CSMD1: variants seen among roughly 807,000 people sequenced by gnomAD.
The protein encoded by CSMD1 is CUB and sushi domain-containing protein 1.
In CSMD1, 213 loss-of-function variants were observed where a neutral mutation model predicts 417.5. The observed-to-expected ratio is 0.51, with a 90% CI of 0.46 to 0.57. The LOEUF (loss-of-function observed/expected upper bound fraction) is 0.57. Among genes scored for constraint, CSMD1 ranks in the 20% least tolerant of loss-of-function variants. CSMD1 has a pLI of 0.00. For missense variants in CSMD1, 6,923 were observed against 4,529.7 expected (o/e 1.53, Z -15.17); for synonymous variants, 2,862 against 1,736.8 (o/e 1.65, Z -16.11).
intron 12 of CSMD1, among the ~76,000 whole-genome samples, chr8:3,431,627 C>A (rs1257064105): frequency 2.0e-5 from 3 of 152,078 alleles, no homozygotes; most frequent in South Asian, 4.1e-4. Flanking sequence ...CACCAATAAA[C>A]AACTGACAAA....
At chr8:3,200,831 C>G (rs1039104635) in intron 32 of CSMD1, among the ~76,000 whole-genome samples, 14 of 152,070 alleles carry the variant, frequency 9.2e-5, no homozygotes, top group African/African-American at 2.7e-4. Flanking sequence ...GAAATATAAT[C>G]AAATCTGAAC....
At chr8:3,160,580 G>A (rs796912459) in intron 38 of CSMD1, among the ~76,000 whole-genome samples, 49 of 152,272 alleles carry the variant, frequency 3.2e-4, no homozygotes, top group African/African-American at 1.1e-3. Context: ...CTCTCGCTCT[G>A]CCTCCAATCT....
At chr8:3,646,720 TG>T (rs1271179264) in intron 7 of CSMD1, among the ~76,000 whole-genome samples, 1 of 152,156 alleles carries the variant, frequency 6.6e-6, no homozygotes, top group Admixed American at 6.5e-5. Flanking sequence ...GCTTTCGACC[TG>T]GCTCCGGTGC....
At chr8:3,787,780 G>A (rs1379856918) in intron 5 of CSMD1, among the ~76,000 whole-genome samples, 1 of 152,158 alleles carries the variant, frequency 6.6e-6, no homozygotes, top group East Asian at 1.9e-4. Flanking sequence ...TACAAGCTAG[G>A]AACTGGCACT....
At chr8:4,987,494 C>G (rs1030871777) in intron 1 of CSMD1, among the ~76,000 whole-genome samples, 1 of 152,154 alleles carries the variant, frequency 6.6e-6, no homozygotes, top group Non-Finnish European at 1.5e-5. Context: ...GTAGTTATCT[C>G]TATCATATCC....
intron 37 of CSMD1, among the ~76,000 whole-genome samples, chr8:3,175,015 A>G (rs910624980): frequency 6.6e-6 from 1 of 152,202 alleles, no homozygotes; most frequent in Non-Finnish European, 1.5e-5. Context: ...TTAATCAGGT[A>G]TAAGTTTTGA....
At chr8:3,771,250 G>A (rs58171140) in intron 5 of CSMD1, among the ~76,000 whole-genome samples, 2,088 of 152,244 alleles carry the variant, frequency 0.014, 41 homozygotes, top group African/African-American at 0.048. Flanking sequence ...GGCTCCGTGA[G>A]CCACTCTTGC....
chr8:3,999,285 T>C (rs572000763), intron 4 of CSMD1, among the ~76,000 whole-genome samples: 13 of 152,274 alleles, frequency 8.5e-5, no homozygotes, highest in African/African-American at 3.1e-4. Flanking sequence ...GGGAGTTTGC[T>C]GTAAGCAGAG....
chr8:4,469,570 G>A (rs953863225), intron 2 of CSMD1, among the ~76,000 whole-genome samples: 5 of 152,092 alleles, frequency 3.3e-5, no homozygotes, highest in Non-Finnish European at 5.9e-5. Flanking sequence ...TCTTTCAGTA[G>A]CTTGTGCAAA....
At chr8:4,405,261 G>C (rs772077869) in intron 3 of CSMD1, among the ~76,000 whole-genome samples, 1 of 152,038 alleles carries the variant, frequency 6.6e-6, no homozygotes, top group East Asian at 1.9e-4. Context: ...GAAAAGAGAA[G>C]TCAAAAAAGG....
chr8:3,472,999 G>C (rs949879919), intron 11 of CSMD1, among the ~76,000 whole-genome samples: 1 of 151,970 alleles, frequency 6.6e-6, no homozygotes, highest in African/African-American at 2.4e-5. Context: ...CACCAAAGTA[G>C]GCTCCTAACT....
chr8:3,037,018 T>A (rs967615840), intron 50 of CSMD1, among the ~76,000 whole-genome samples: 1 of 152,166 alleles, frequency 6.6e-6, no homozygotes, highest in Non-Finnish European at 1.5e-5. Context: ...TGTATCATTC[T>A]TATGCATTTG....
chr8:4,563,459 A>T (rs1046243061), intron 2 of CSMD1, among the ~76,000 whole-genome samples: 1 of 152,110 alleles, frequency 6.6e-6, no homozygotes, highest in Non-Finnish European at 1.5e-5. Flanking sequence ...CTCACATTCA[A>T]CAATGCCAAG....
intron 3 of CSMD1, among the ~76,000 whole-genome samples, chr8:4,195,997 G>A (rs1292762915): frequency 6.6e-6 from 1 of 152,018 alleles, no homozygotes; most frequent in Non-Finnish European, 1.5e-5. Context: ...GGATCATGAG[G>A]TCATGCGATC....
chr8:4,883,084 T>G (rs1349902996), intron 1 of CSMD1, among the ~76,000 whole-genome samples: 1 of 151,916 alleles, frequency 6.6e-6, no homozygotes, highest in Non-Finnish European at 1.5e-5. Context: ...GCAGAGAAAA[T>G]CTGGAGTCCT....
intron 5 of CSMD1, among the ~76,000 whole-genome samples, chr8:3,988,553 T>C (rs150405153): frequency 9.0e-4 from 137 of 152,330 alleles, no homozygotes; most frequent in African/African-American, 3.2e-3. Context: ...ACTCCAGAAC[T>C]GCTAGATCAC....
intron 25 of CSMD1, among the ~76,000 whole-genome samples, chr8:3,292,362 G>T (rs1465812574): frequency 6.6e-6 from 1 of 152,124 alleles, no homozygotes; most frequent in Non-Finnish European, 1.5e-5. Flanking sequence ...GCAGAGCTGA[G>T]TTCAATTCCT....
At chr8:4,149,259 C>T (rs546092297) in intron 3 of CSMD1, among the ~76,000 whole-genome samples, 1 of 152,156 alleles carries the variant, frequency 6.6e-6, no homozygotes, top group African/African-American at 2.4e-5. Context: ...CCACTATGCC[C>T]AGCCCGTAAT....
At chr8:3,596,152 A>G (rs1053315021) in intron 8 of CSMD1, among the ~76,000 whole-genome samples, 3 of 152,152 alleles carry the variant, frequency 2.0e-5, no homozygotes, top group Non-Finnish European at 4.4e-5. Flanking sequence ...AACAGTGAGG[A>G]GTGTCGGAGG....
Sources: gnomAD v4.1 joint callset for allele counts (sites outside exome capture counted in the v4.1 genomes callset) on GRCh38, gnomAD v4.1.1 for gene constraint, MANE v1.5 for transcripts, NCBI Gene and HGNC (gene_info 2026-07-23, HGNC 2026-07-21) for gene names.